SYNPR: variants seen among roughly 807,000 people sequenced by gnomAD.
SYNPR encodes synaptoporin.
SYNPR carries 23 observed loss-of-function variants against 32.9 expected under a neutral mutation model. The observed-to-expected ratio is 0.70, with a 90% CI of 0.50 to 0.99. The LOEUF is 0.99. Among genes scored for constraint, SYNPR ranks in the 50% least tolerant of loss-of-function variants. SYNPR has a pLI of 0.00. For synonymous variants in SYNPR, 146 were observed against 135.9 expected (o/e 1.07, Z -0.52); for missense variants, 318 against 349.3 (o/e 0.91, Z 0.71).
At chr3:63,316,653 C>T (rs562407052) in intron 2 of SYNPR, among the ~76,000 whole-genome samples, 4 of 151,958 alleles carry the variant, frequency 2.6e-5, no homozygotes, top group African/African-American at 9.6e-5. Context: ...TGCTAATGGT[C>T]TATCAATTTT....
At chr3:63,353,744 G>A (rs141656777) in intron 2 of SYNPR, among the ~76,000 whole-genome samples, 2 of 152,130 alleles carry the variant, frequency 1.3e-5, no homozygotes, top group Non-Finnish European at 2.9e-5. Flanking sequence ...AATGAAGCAG[G>A]CTTCTTAATG....
At chr3:63,503,107 G>A (rs752954567) in intron 3 of SYNPR, among the ~76,000 whole-genome samples, 1 of 152,074 alleles carries the variant, frequency 6.6e-6, no homozygotes, top group Non-Finnish European at 1.5e-5. Context: ...TAAACATTTG[G>A]TGCTATCAGT....
At chr3:63,537,251 G>A (rs1374944284) in intron 3 of SYNPR, among the ~76,000 whole-genome samples, 1 of 152,008 alleles carries the variant, frequency 6.6e-6, no homozygotes, top group East Asian at 1.9e-4. Flanking sequence ...TTATAACTAT[G>A]TACACACTCT....
intron 4 of SYNPR, among the ~76,000 whole-genome samples, chr3:63,588,508 G>T (rs550939622): frequency 1.2e-4 from 19 of 152,028 alleles, no homozygotes; most frequent in African/African-American, 4.6e-4. Flanking sequence ...TGATTCAATG[G>T]CAGTCCCCAA....
chr3:63,359,730 C>G (rs938967723), intron 2 of SYNPR, among the ~76,000 whole-genome samples: 2 of 152,160 alleles, frequency 1.3e-5, no homozygotes, highest in African/African-American at 4.8e-5. Context: ...CCTCAAGTCC[C>G]AGCTCTGCCC....
chr3:63,275,869 A>G (rs183834017), upstream of SYNPR, among the ~76,000 whole-genome samples: 43 of 152,298 alleles, frequency 2.8e-4, no homozygotes, highest in African/African-American at 1.0e-3. Flanking sequence ...GTTGACTACC[A>G]TGCAAAGAGG....
At chr3:63,281,721 A>T (rs890638076) in intron 2 of SYNPR, among the ~76,000 whole-genome samples, 2 of 152,198 alleles carry the variant, frequency 1.3e-5, no homozygotes, top group Non-Finnish European at 2.9e-5. Flanking sequence ...ATATTTCAAC[A>T]TGTGAACTTG....
intron 2 of SYNPR, among the ~76,000 whole-genome samples, chr3:63,284,825 C>T (rs1465275353): frequency 1.3e-5 from 2 of 152,168 alleles, no homozygotes; most frequent in African/African-American, 4.8e-5. Flanking sequence ...GTAATAACAG[C>T]TACCTTTGTC....
intron 3 of SYNPR, among the ~76,000 whole-genome samples, chr3:63,556,259 G>A (rs750744830): frequency 8.5e-5 from 13 of 152,162 alleles, no homozygotes; most frequent in African/African-American, 3.1e-4. Flanking sequence ...GGGGGATGTC[G>A]TTGTCTAATT....
intron 2 of SYNPR, among the ~76,000 whole-genome samples, chr3:63,388,379 CT>C (rs144044254): frequency 0.11 from 9,236 of 83,580 alleles, 683 homozygotes; most frequent in African/African-American, 0.24. Flanking sequence ...GTTTGGAGCT[CT>C]TTTTTTTTTT....
At chr3:63,225,688 A>G (rs1560161632), upstream of SYNPR, among the ~76,000 whole-genome samples, 1 of 152,218 alleles carries the variant, frequency 6.6e-6, no homozygotes, top group Admixed American at 6.5e-5. Flanking sequence ...GCTTGAAACT[A>G]TAAAACTACT....
chr3:63,449,510 TC>T (rs933494577), intron 2 of SYNPR, among the ~76,000 whole-genome samples: 13 of 152,132 alleles, frequency 8.5e-5, no homozygotes, highest in Admixed American at 7.2e-4. Flanking sequence ...AGTAGCAATC[TC>T]CCCACCCAAC....
chr3:63,335,282 G>A (rs2087276851), intron 2 of SYNPR, among the ~76,000 whole-genome samples: 1 of 151,272 alleles, frequency 6.6e-6, no homozygotes, highest in South Asian at 2.1e-4. Flanking sequence ...GAACCCGGGA[G>A]GCGGAGCTTG....
At chr3:63,393,881 C>T (rs1252229830) in intron 2 of SYNPR, among the ~76,000 whole-genome samples, 1 of 152,104 alleles carries the variant, frequency 6.6e-6, no homozygotes, top group Non-Finnish European at 1.5e-5. Flanking sequence ...ATGGTATTCT[C>T]TTGCTGCCTC....
chr3:63,467,723 C>T (rs1700710660), intron 2 of SYNPR, among the ~76,000 whole-genome samples: 4 of 152,206 alleles, frequency 2.6e-5, no homozygotes, highest in Non-Finnish European at 5.9e-5. Context: ...TCTGGAATGT[C>T]TGCTCTTGTA....
chr3:63,322,326 G>C (rs2087119213), intron 2 of SYNPR, among the ~76,000 whole-genome samples: 1 of 152,044 alleles, frequency 6.6e-6, no homozygotes. Context: ...TAGGTACTGT[G>C]CTAGGCACTT....
intron 4 of SYNPR, among the ~76,000 whole-genome samples, chr3:63,606,012 A>G (rs1700113604): frequency 6.6e-6 from 1 of 152,216 alleles, no homozygotes. Flanking sequence ...ACTATTTACC[A>G]GGCATTGTGC....
At chr3:63,393,490 TC>T (rs1273082554) in intron 2 of SYNPR, among the ~76,000 whole-genome samples, 4 of 130,294 alleles carry the variant, frequency 3.1e-5, no homozygotes, top group African/African-American at 1.3e-4. Context: ...CTTCTTTCTT[TC>T]TTCTCTTTTT....
intron 4 of SYNPR, among the ~76,000 whole-genome samples, chr3:63,572,419 A>G (rs552594404): frequency 6.6e-6 from 1 of 152,224 alleles, no homozygotes; most frequent in Admixed American, 6.5e-5. Flanking sequence ...AGGATCCAAC[A>G]CCTGCTGACT....
Sources: gnomAD v4.1 joint callset for allele counts (sites outside exome capture counted in the v4.1 genomes callset) on GRCh38, gnomAD v4.1.1 for gene constraint, MANE v1.5 for transcripts, NCBI Gene and HGNC (gene_info 2026-07-23, HGNC 2026-07-21) for gene names.